The following LRRK2 variants were observed in gnomAD, a reference collection of about 807,000 sequenced individuals.
The protein encoded by LRRK2 is leucine rich repeat kinase 2.
LRRK2 carries 203 observed loss-of-function variants against 302.6 expected under a neutral mutation model. The observed-to-expected ratio is 0.67, with a 90% confidence interval of 0.60 to 0.75. The LOEUF (loss-of-function observed/expected upper bound fraction) is 0.75, where lower values mean the gene tolerates loss of function less well. LRRK2 is among the 30% of genes least tolerant of loss of function. LRRK2 has a pLI of 0.00. For missense variants in LRRK2, 2,830 were observed against 2,951.0 expected, an observed-to-expected ratio of 0.96 and a Z score of 0.95; for synonymous variants, 1,066 against 1,031.9, an observed-to-expected ratio of 1.03 and a Z score of -0.63.
intron 3 of LRRK2, 36 bp downstream of exon 3, chr12:40,232,419 A>G (rs200538441): frequency 2.1e-5 from 31 of 1,446,066 alleles, no homozygotes; most frequent in Middle Eastern, 1.7e-4. Flanking sequence ...AATGGCCTTG[A>G]GTATTTATTT....
intron 7 of LRRK2, among the ~76,000 whole-genome samples, chr12:40,244,942 T>C (rs1447413381): frequency 6.6e-6 from 1 of 151,492 alleles, no homozygotes; most frequent in East Asian, 1.9e-4. Flanking sequence ...GCAAGGGTCA[T>C]TGTCTATTTG....
chr12:40,269,093 G>T (rs1415151240), intron 14 of LRRK2, among the ~76,000 whole-genome samples: 1 of 151,986 alleles, frequency 6.6e-6, no homozygotes, highest in Non-Finnish European at 1.5e-5. Flanking sequence ...CTTGTTGGAG[G>T]GAAATTTGGT....
At chr12:40,302,478 C>T (rs1271659795) in intron 25 of LRRK2, among the ~76,000 whole-genome samples, 2 of 151,996 alleles carry the variant, frequency 1.3e-5, no homozygotes, top group Non-Finnish European at 2.9e-5. Flanking sequence ...TATATAATAA[C>T]ATCACACATA....
rs982700454 is a variant in LRRK2 at position 40,293,994 on chromosome 12, C to T, written c.2808+331C>T. Among the ~76,000 whole-genome samples, 3 of 151,124 alleles carry T rather than the reference C, an allele frequency of 2.0e-5. No individual in the cohort carries two copies. The South Asian group carries it at 6.3e-4, about 32-fold the overall frequency. On this transcript the variant is annotated intron_variant, in intron 21 of 50. Coordinates refer to ENST00000298910, the MANE Select transcript of LRRK2 (RefSeq NM_198578.4). ...GAAAAGAGCCCAGGCTAGACCTCTA[C>T]CTAATGGTGTGGGTTGGTCCCATGA...
chr12:40,228,465 GT>G (rs974058802), intron 2 of LRRK2, among the ~76,000 whole-genome samples: 1 of 69,646 alleles, frequency 1.4e-5, no homozygotes, highest in Non-Finnish European at 3.1e-5. Flanking sequence ...TGCTAATTGA[GT>G]TTTTTTAGTT....
chr12:40,240,017 T>C (rs1435228191), intron 5 of LRRK2, among the ~76,000 whole-genome samples: 1 of 152,170 alleles, frequency 6.6e-6, no homozygotes, highest in Non-Finnish European at 1.5e-5. Flanking sequence ...GACAGAGTAT[T>C]TCAAAGTCTG....
At position 40,314,121 on chromosome 12, in the gene LRRK2, G is replaced by T; in HGVS notation, c.4686G>T (p.Leu1562=). Residue 1562 remains leucine (L), a synonymous_variant, in exon 32 of 51, where the codon CTG becomes CTT. Transcript: ENST00000298910. ...RLLQLVRENQ[L]QLDENELPHA... ...TACAACTAGTGAGAGAAAATCAGCT[G>T]CAGTTAGATGAAAATGAGCTTCCTC... 6.2e-7 allele frequency: 1 copy of T among 1,612,670 alleles called. No individual in the cohort carries two copies. Among genetic ancestry groups the T allele is most frequent in the African/African-American group, 1.3e-5 (1 of 74,954 alleles).
chr12:40,264,926 A>G (rs1942944316), intron 14 of LRRK2, among the ~76,000 whole-genome samples: 1 of 152,220 alleles, frequency 6.6e-6, no homozygotes, highest in African/African-American at 2.4e-5. Flanking sequence ...TTAAGAATAA[A>G]GACATAATTA....
chr12:40,239,945 A>C (rs1203259894), intron 5 of LRRK2, among the ~76,000 whole-genome samples: 2 of 152,198 alleles, frequency 1.3e-5, no homozygotes, highest in East Asian at 1.9e-4. Context: ...TGGCTTGATC[A>C]AATGACTTTA....
intron 40 of LRRK2, among the ~76,000 whole-genome samples, chr12:40,338,536 C>A (rs1407856593): frequency 6.6e-6 from 1 of 152,082 alleles, no homozygotes. Context: ...TAAATTATGG[C>A]TAAATTATTA....
At position 40,274,507 on chromosome 12, in the gene LRRK2, G is replaced by A. The variant is rs183128497; in HGVS notation, c.1657-76G>A. On this transcript the variant is annotated intron_variant, in intron 14 of 50. Coordinates refer to ENST00000298910, the MANE Select transcript of LRRK2 (RefSeq NM_198578.4). ...ATTTGGATTACTTGATTTATATTTTGTCAGTCTATAACTGGTCTTAACTAA... is the reference window on the plus strand; with the variant it reads ...ATTTGGATTACTTGATTTATATTTTATCAGTCTATAACTGGTCTTAACTAA... The A allele has an allele frequency of 5.0e-4, 711 of 1,427,988 alleles. 1 individual carries two copies. Among genetic ancestry groups the A allele is most frequent in the Non-Finnish European group, 5.2e-4 (527 of 1,023,204 alleles). The allele number at this position is 1,427,988 out of a possible 1,614,324, so 88.5% of individuals were successfully genotyped here.
chr12:40,267,071 C>T (rs1259033555), intron 14 of LRRK2, among the ~76,000 whole-genome samples: 1 of 152,024 alleles, frequency 6.6e-6, no homozygotes, highest in East Asian at 1.9e-4. Flanking sequence ...CAACATGGCA[C>T]ATGTATACAT....
chr12:40,264,097 TGTATTATC>T (rs1270127917), intron 14 of LRRK2, among the ~76,000 whole-genome samples, 196 bp downstream of exon 14: 1 of 152,120 alleles, frequency 6.6e-6, no homozygotes, highest in African/African-American at 2.4e-5. Flanking sequence ...TCCAGCTAAG[TGTATTATC>T]AATTATAGAT....
intron 14 of LRRK2, among the ~76,000 whole-genome samples, chr12:40,272,324 C>T (rs1445750271): frequency 6.6e-6 from 1 of 152,156 alleles, no homozygotes; most frequent in East Asian, 1.9e-4. Context: ...ATTTAAGATA[C>T]TGGTATCAAG....
chr12:40,227,020 C>G (rs1940927506), intron 2 of LRRK2, among the ~76,000 whole-genome samples: 1 of 152,100 alleles, frequency 6.6e-6, no homozygotes, highest in Non-Finnish European at 1.5e-5. Context: ...CCAGGGGAGC[C>G]TGGAACATAC....
intron 31 of LRRK2, among the ~76,000 whole-genome samples, chr12:40,311,845 ATAT>A (rs1945046508): frequency 6.6e-6 from 1 of 152,174 alleles, no homozygotes. Context: ...TAAAAATGAC[ATAT>A]TATTTATTTG....
intron 40 of LRRK2, among the ~76,000 whole-genome samples, chr12:40,339,643 C>T (rs1313371623): frequency 1.3e-5 from 2 of 152,002 alleles, no homozygotes; most frequent in Non-Finnish European, 2.9e-5. Context: ...CTTTTTTAAC[C>T]TTAATATCTA....
intron 31 of LRRK2, among the ~76,000 whole-genome samples, chr12:40,311,439 T>C (rs578262149): frequency 6.6e-6 from 1 of 152,260 alleles, no homozygotes; most frequent in South Asian, 2.1e-4. Context: ...CCCTTGATAG[T>C]TCCATATGAC....
chr12:40,347,814 G>A (rs1349076618), intron 42 of LRRK2, among the ~76,000 whole-genome samples: 1 of 151,988 alleles, frequency 6.6e-6, no homozygotes, highest in African/African-American at 2.4e-5. Flanking sequence ...AATACAAAAA[G>A]TAGCTGGGCA....
Sources: gnomAD v4.1 joint callset for allele counts (sites outside exome capture counted in the v4.1 genomes callset) on GRCh38, gnomAD v4.1.1 for gene constraint, MANE v1.5 for transcripts, NCBI Gene and HGNC (gene_info 2026-07-23, HGNC 2026-07-21) for gene names.